The following SUMO3 variants were observed in gnomAD, a reference collection of about 807,000 sequenced individuals.
SUMO3 encodes small ubiquitin like modifier 3.
SUMO3 carries 2 observed loss-of-function variants against 11.1 expected under a neutral mutation model. The observed-to-expected ratio is 0.18, with a 90% confidence interval of 0.07 to 0.57. The LOEUF (loss-of-function observed/expected upper bound fraction) is 0.57. SUMO3 is among the 20% of genes least tolerant of loss of function. The pLI is 0.92. For missense variants in SUMO3, 70 were observed against 132.8 expected (o/e 0.53, Z 2.32); for synonymous variants, 56 against 53.5 (o/e 1.05, Z -0.20).
intron 1 of SUMO3, among the ~76,000 whole-genome samples, chr21:44,817,235 C>T (rs1169289874): frequency 7.2e-6 from 1 of 139,264 alleles, no homozygotes. Flanking sequence ...CCGGGGGACG[C>T]GATGGAGGCG....
chr21:44,815,415 G>A (rs78777134), intron 1 of SUMO3, among the ~76,000 whole-genome samples: 15,636 of 152,210 alleles, frequency 0.1, 1,094 homozygotes, highest in Middle Eastern at 0.21. Context: ...CTCACCCCCC[G>A]ACTCCAGTCT....
At position 44,813,972 on chromosome 21, in the gene SUMO3, G is replaced by A. The variant is rs368846598; in HGVS notation, c.150+4C>T. 1.7e-5 allele frequency: 27 copies of A among 1,609,898 alleles called. No homozygotes were observed. The highest frequency in any genetic ancestry group is 5.5e-5 in the South Asian group (5 of 91,084). ...AGGCTCTGCGGGGGAGCAAGGTGCC[G>A]CACCTGCCTCTCGCAGTAGGCCTTC... On this transcript the variant is annotated splice_donor_region_variant and intron_variant, in intron 2 of 3. Transcript: ENST00000332859.
chr21:44,816,848 G>A (rs1467549598), intron 1 of SUMO3, among the ~76,000 whole-genome samples: 1 of 146,990 alleles, frequency 6.8e-6, no homozygotes, highest in Non-Finnish European at 1.5e-5. Flanking sequence ...AGAGAAGTGG[G>A]CGCACACCGT....
At chr21:44,814,219 T>G in intron 1 of SUMO3, 115 bp from the exon 2 acceptor site, 1 of 1,365,552 alleles carries the variant, frequency 7.3e-7, no homozygotes, top group South Asian at 1.4e-5. Context: ...CCAACCTAAT[T>G]CTTAAAATTC....
chr21:44,814,217 A>C, intron 1 of SUMO3, 113 bp from the exon 2 acceptor site: 1 of 1,362,544 alleles, frequency 7.3e-7, no homozygotes, highest in African/African-American at 1.4e-5. Flanking sequence ...AACCAACCTA[A>C]TTCTTAAAAT....
rs973685332 is a variant in SUMO3 at position 44,816,805 on chromosome 21, GGGTGGGCGCGCAT to G, written c.21+1130_21+1142del. Reference sequence around the variant, plus strand: ...AGCCCACCCAAGGCTGGATAAGGAGGGGTGGGCGCGCATGGTGGGGGAGGCGCAATGCAGAGAA... The same window carrying G: ...AGCCCACCCAAGGCTGGATAAGGAGGGGTGGGGGAGGCGCAATGCAGAGAA... On this transcript the variant is annotated intron_variant, in intron 1 of 3. Coordinates refer to ENST00000332859, the MANE Select transcript of SUMO3 (RefSeq NM_006936.3). Among the ~76,000 whole-genome samples the G allele has an allele frequency of 6.6e-5, 10 of 151,862 alleles. No individual in the cohort carries two copies. The South Asian group carries it at 1.9e-3, about 29-fold the overall frequency.
intron 2 of SUMO3, 31 bp from the exon 3 acceptor site, chr21:44,809,149 C>T (rs1319129916): frequency 6.2e-7 from 1 of 1,605,034 alleles, no homozygotes; most frequent in Non-Finnish European, 8.5e-7. Context: ...CCATTAGTCT[C>T]ACTGGCAAGC....
intron 1 of SUMO3, among the ~76,000 whole-genome samples, chr21:44,817,385 G>T (rs1173381979): frequency 6.6e-6 from 1 of 152,022 alleles, no homozygotes; most frequent in African/African-American, 2.4e-5. Flanking sequence ...GAATACCGGG[G>T]TCGCGATGGG....
chr21:44,816,634 G>A (rs1038528902), intron 1 of SUMO3, among the ~76,000 whole-genome samples: 8 of 152,148 alleles, frequency 5.3e-5, no homozygotes, highest in African/African-American at 1.7e-4. Context: ...CAAGGGCTTC[G>A]GAAAGGTTCT....
intron 3 of SUMO3, chr21:44,808,694 A>C: frequency 9.0e-6 from 12 of 1,330,766 alleles, no homozygotes; most frequent in Non-Finnish European, 1.2e-5. Flanking sequence ...AGATGCTTAA[A>C]GGGCACAAGA....
rs2146418290 is a variant in SUMO3 at position 44,806,802 on chromosome 21, T to C, written c.*149A>G. ...AGATTCATCCCTGCAGATATAGTTT[T>C]GAGTTGCACTTGAAGTACATCAAAG... On this transcript the variant is annotated 3_prime_UTR_variant, in exon 4 of 4. Coordinates refer to ENST00000332859, the MANE Select transcript of SUMO3 (RefSeq NM_006936.3). 6.9e-7 allele frequency: 1 copy of C among 1,444,872 alleles called. No homozygotes were observed. Among genetic ancestry groups the C allele is most frequent in the East Asian group, 2.6e-5 (1 of 39,148 alleles). 89.5% of individuals were successfully genotyped at this position (1,444,872 alleles called of 1,614,324 possible).
chr21:44,812,476 A>G (rs895085861), intron 2 of SUMO3, among the ~76,000 whole-genome samples: 2 of 152,208 alleles, frequency 1.3e-5, no homozygotes, highest in Non-Finnish European at 2.9e-5. Context: ...GTGCAGCCAC[A>G]TACTGAAGTG....
Position 44,807,431 on chromosome 21 carries a change from C to T in SUMO3, c.223-391G>A, listed in dbSNP as rs376262470. 3.9e-5 allele frequency among the ~76,000 whole-genome samples: 6 copies of T among 152,264 alleles called. No individual in the cohort carries two copies. The highest frequency in any genetic ancestry group is 3.9e-4 in the East Asian group (2 of 5,184). On this transcript the variant is annotated intron_variant, in intron 3 of 3. Transcript: ENST00000332859. This position sits in a 1 kb window ranked among gnomAD's most constrained non-coding sequence, Gnocchi z 4.3. ...AGTCCTAGGACCCACAGGAGCCTTG[C>T]GCTTTATACCAAGTGCGGGGGACCA...
chr21:44,812,556 G>A (rs537748504), intron 2 of SUMO3, among the ~76,000 whole-genome samples: 15 of 152,296 alleles, frequency 9.8e-5, no homozygotes, highest in African/African-American at 2.6e-4. Context: ...TTCTGTGCCC[G>A]TTCTGACAAG....
intron 2 of SUMO3, among the ~76,000 whole-genome samples, chr21:44,812,984 C>A (rs1364800389): frequency 6.6e-6 from 1 of 152,252 alleles, no homozygotes; most frequent in Non-Finnish European, 1.5e-5. Context: ...GAAGCTCAGT[C>A]TCACCTTTCG....
chr21:44,816,158 G>A (rs915652235), intron 1 of SUMO3, among the ~76,000 whole-genome samples: 2 of 152,222 alleles, frequency 1.3e-5, no homozygotes, highest in African/African-American at 4.8e-5. Flanking sequence ...CCACATGGCA[G>A]AGCTAAGTGT....
chr21:44,815,749 G>T (rs190569933), intron 1 of SUMO3, among the ~76,000 whole-genome samples: 25 of 152,232 alleles, frequency 1.6e-4, no homozygotes, highest in African/African-American at 5.5e-4. Flanking sequence ...CTGCAGCCCC[G>T]GGAGAGGCTG....
rs567917007 is a variant in SUMO3 at position 44,815,981 on chromosome 21, C to T, written c.22-1877G>A. On this transcript the variant is annotated intron_variant, in intron 1 of 3. Coordinates refer to ENST00000332859, the MANE Select transcript of SUMO3 (RefSeq NM_006936.3). ...TAAAAGCTCTTCTTTCCAGCACCAC[C>T]GGGCCCCAGAGTCCACCTCTTCCCC... Among the ~76,000 whole-genome samples the T allele has an allele frequency of 5.1e-3, 780 of 152,312 alleles. 5 individuals carry two copies. Among genetic ancestry groups the T allele is most frequent in the Admixed American group, 8.8e-3 (134 of 15,302 alleles).
chr21:44,811,241 A>G lies in SUMO3; in HGVS notation c.151-2123T>C, dbSNP rs2083211128. On this transcript the variant is annotated intron_variant, in intron 2 of 3. Transcript: ENST00000332859. The surrounding 1 kb of genome is among the most constrained non-coding windows in gnomAD (Gnocchi z 5.0). ...CACCTACACTCACGATTCAAATTCT[A>G]TGGGAAGTAAAAAATACTACTACCT... 1.3e-5 allele frequency among the ~76,000 whole-genome samples: 2 copies of G among 152,156 alleles called. No individual in the cohort carries two copies. The highest frequency in any genetic ancestry group is 2.9e-5 in the Non-Finnish European group (2 of 68,020).
Sources: allele counts gnomAD v4.1 joint callset (sites outside exome capture counted in the v4.1 genomes callset), GRCh38; gene constraint gnomAD v4.1.1; non-coding constraint Gnocchi (gnomAD v3.1); transcripts MANE v1.5; gene names NCBI Gene and HGNC (gene_info 2026-07-23, HGNC 2026-07-21).